The following PEAK1 variants were observed in gnomAD, a reference collection of about 807,000 sequenced individuals.
PEAK1 encodes the protein pseudopodium enriched atypical kinase 1.
PEAK1 carries 54 observed loss-of-function variants against 124.7 expected under a neutral mutation model. The ratio of observed to expected loss-of-function variants is 0.43; its 90% CI spans 0.35 to 0.54. The LOEUF (loss-of-function observed/expected upper bound fraction) is 0.54, where lower values mean the gene tolerates loss of function less well. Among genes scored for constraint, PEAK1 ranks in the 20% least tolerant of loss-of-function variants. The pLI is 0.01. For missense variants in PEAK1, 2,046 were observed against 2,134.5 expected (o/e 0.96, Z 0.82); for synonymous variants, 719 against 760.0 (o/e 0.95, Z 0.89).
downstream of PEAK1, chr15:77,107,521 C>T (rs1193346002): frequency 6.6e-6 from 1 of 152,224 alleles, no homozygotes; most frequent in Non-Finnish European, 1.5e-5. Context: ...GCTCTAAAAT[C>T]TGCTCTAAAT....
chr15:77,358,497 T>C (rs748639697), intron 2 of PEAK1, among the ~76,000 whole-genome samples: 4 of 152,186 alleles, frequency 2.6e-5, no homozygotes, highest in Non-Finnish European at 4.4e-5. Context: ...TATTTGAACT[T>C]TCTCTGTAGC....
At chr15:77,157,291 T>G (rs1332348896) in intron 8 of PEAK1, 1 of 152,198 alleles carries the variant, frequency 6.6e-6, no homozygotes, top group Non-Finnish European at 1.5e-5. Context: ...GTCTAAGGAT[T>G]GGTCAGTAGT....
intron 5 of PEAK1, among the ~76,000 whole-genome samples, chr15:77,258,199 T>C (rs911576497): frequency 7.2e-5 from 11 of 152,224 alleles, no homozygotes; most frequent in African/African-American, 2.7e-4. Flanking sequence ...TAGGATTGAC[T>C]TGGCAATGCG....
At chr15:77,306,624 T>C (rs550819033) in intron 2 of PEAK1, among the ~76,000 whole-genome samples, 109 of 152,304 alleles carry the variant, frequency 7.2e-4, no homozygotes, top group African/African-American at 2.4e-3. Flanking sequence ...TTACTTTGTC[T>C]TTGGCATTTT....
intron 8 of PEAK1, among the ~76,000 whole-genome samples, chr15:77,137,434 C>A (rs2053427817): frequency 6.6e-6 from 1 of 152,202 alleles, no homozygotes; most frequent in African/African-American, 2.4e-5. Flanking sequence ...TGCAAAGCCA[C>A]AGGGATGGAG....
At chr15:77,168,521 G>C (rs1048950246) in intron 7 of PEAK1, among the ~76,000 whole-genome samples, 2 of 152,178 alleles carry the variant, frequency 1.3e-5, no homozygotes, top group African/African-American at 4.8e-5. Context: ...AGATGAGTGT[G>C]GCTATTTTCC....
intron 1 of PEAK1, among the ~76,000 whole-genome samples, chr15:77,411,975 A>G (rs376800444): frequency 1.3e-5 from 2 of 152,194 alleles, no homozygotes; most frequent in South Asian, 2.1e-4. Context: ...TTAAGTCTGT[A>G]ATTTGTCTTA....
Position 77,133,155 on chromosome 15 carries a change from G to A in PEAK1, c.3927C>T (p.Phe1309=), listed in dbSNP as rs201901409. Residue 1309 remains phenylalanine, a synonymous_variant, in exon 9 of 10, where the codon TTC becomes TTT. Coordinates refer to ENST00000682557, the MANE Select transcript of PEAK1 (RefSeq NM_001385026.1). The surrounding 1 kb of genome is among the most constrained non-coding windows in gnomAD (Gnocchi z 4.2). Reference sequence around the variant, plus strand: ...GGAGCTGGTCTTTCTGCCCAGCCATGAAAAGGTCTTCGCATTTAACAGCCA... The same window carrying A: ...GGAGCTGGTCTTTCTGCCCAGCCATAAAAAGGTCTTCGCATTTAACAGCCA... ...KKLAVKCEDL[F]MAGQKDQLRF... 6.2e-7 allele frequency: 1 copy of A among 1,614,196 alleles called. No homozygotes were observed. Among genetic ancestry groups the A allele is most frequent in the Non-Finnish European group, 8.5e-7 (1 of 1,180,038 alleles).
chr15:77,389,799 T>C, intron 1 of PEAK1, among the ~76,000 whole-genome samples: 1 of 152,160 alleles, frequency 6.6e-6, no homozygotes, highest in East Asian at 1.9e-4. Context: ...CATCCCTGTA[T>C]ACCCTAGAAG....
chr15:77,388,988 G>A (rs1227869847), intron 1 of PEAK1, among the ~76,000 whole-genome samples: 9 of 146,536 alleles, frequency 6.1e-5, no homozygotes, highest in Non-Finnish European at 9.0e-5. Flanking sequence ...TTGGAGATAG[G>A]GTCTTGCTCT....
chr15:77,404,810 T>C (rs1031594994), intron 1 of PEAK1: 15 of 966,924 alleles, frequency 1.6e-5, no homozygotes, highest in African/African-American at 5.3e-5. Context: ...TGCTTCAATA[T>C]GTATTCAACT....
chr15:77,337,087 A>T, intron 2 of PEAK1: 14 of 973,350 alleles, frequency 1.4e-5, no homozygotes, highest in Non-Finnish European at 1.6e-5. Flanking sequence ...AGAGAAGACA[A>T]CAAAGTAACC....
At chr15:77,188,916 C>A (rs999412540) in intron 6 of PEAK1, among the ~76,000 whole-genome samples, 1 of 152,100 alleles carries the variant, frequency 6.6e-6, no homozygotes, top group Non-Finnish European at 1.5e-5. Context: ...CATAATTCGG[C>A]CAGGTGCGGT....
rs368483420 is a variant in PEAK1, at chr15:77,419,234, G to A, written c.-666+772C>T. On this transcript the variant is annotated intron_variant, in intron 1 of 9. Transcript: ENST00000682557. ...AGGAGGGTCTCTCCCGGTGCTCTCA[G>A]CAATCTTTAACGTAGCCAAAGGAGG... 4.1e-6 allele frequency: 4 copies of A among 985,180 alleles called. No individual in the cohort carries two copies. In the African/African-American group the frequency reaches 5.2e-5, roughly 13 times the overall value. The allele number at this position is 985,180 out of a possible 1,614,324, so 61.0% of individuals were successfully genotyped here.
upstream of PEAK1, chr15:77,420,778 A>C (rs1040091946): frequency 2.0e-4 from 80 of 398,150 alleles, no homozygotes; most frequent in Non-Finnish European, 2.7e-4. Context: ...CACCGGAGCA[A>C]TTGTAAATGC....
Position 77,179,638 on chromosome 15 carries a change from T to C in PEAK1, c.2289A>G (p.Ala763=). ...MVGSSSTREK[A]STVLSQIVAS... Reference sequence around the variant, plus strand: ...CCACAATCTGAGAAAGCACTGTGCTTGCTTTCTCTCTGGTGCTGCTGCTGC... The same window carrying C: ...CCACAATCTGAGAAAGCACTGTGCTCGCTTTCTCTCTGGTGCTGCTGCTGC... Residue 763 remains alanine, a synonymous_variant, in exon 7 of 10, where the codon GCA becomes GCG. Transcript: ENST00000682557. 1 of 1,614,158 alleles carries C rather than the reference T, an allele frequency of 6.2e-7. No homozygotes were observed. The highest frequency in any genetic ancestry group is 1.1e-5 in the South Asian group (1 of 91,090).
At chr15:77,235,240 G>A (rs2060069116) in intron 6 of PEAK1, among the ~76,000 whole-genome samples, 1 of 151,956 alleles carries the variant, frequency 6.6e-6, no homozygotes, top group Non-Finnish European at 1.5e-5. Context: ...CTGAAAATGT[G>A]GAAGTGACTT....
intron 1 of PEAK1, among the ~76,000 whole-genome samples, chr15:77,387,845 G>A (rs1372685645): frequency 6.6e-6 from 1 of 152,188 alleles, no homozygotes; most frequent in Non-Finnish European, 1.5e-5. Flanking sequence ...TAGATATAAA[G>A]ATGAAGCACT....
intron 1 of PEAK1, among the ~76,000 whole-genome samples, chr15:77,380,796 C>T (rs920477443): frequency 6.6e-6 from 1 of 152,104 alleles, no homozygotes; most frequent in African/African-American, 2.4e-5. Context: ...AGTTATTATG[C>T]AACAACTATT....
Sources: gnomAD v4.1 joint callset for allele counts (sites outside exome capture counted in the v4.1 genomes callset) on GRCh38, gnomAD v4.1.1 for gene constraint, Gnocchi (gnomAD v3.1) non-coding constraint, MANE v1.5 for transcripts, NCBI Gene and HGNC (gene_info 2026-07-23, HGNC 2026-07-21) for gene names.